The following CSMD1 variants were observed in gnomAD, a reference collection of about 807,000 sequenced individuals.
CSMD1 encodes CUB and Sushi multiple domains 1.
CSMD1 carries 213 observed loss-of-function variants against 417.5 expected under a neutral mutation model. The ratio of observed to expected loss-of-function variants is 0.51; its 90% CI spans 0.46 to 0.57. The LOEUF (loss-of-function observed/expected upper bound fraction) is 0.57. Among genes scored for constraint, CSMD1 ranks in the 20% least tolerant of loss-of-function variants. The pLI, the probability that CSMD1 is intolerant of heterozygous loss-of-function variation, is 0.00. For synonymous variants in CSMD1, 2,862 were observed against 1,736.8 expected (o/e 1.65, Z -16.11); for missense variants, 6,923 against 4,529.7 (o/e 1.53, Z -15.17).
intron 21 of CSMD1, among the ~76,000 whole-genome samples, chr8:3,348,624 G>A (rs28714525): frequency 0.1 from 15,732 of 152,170 alleles, 1,082 homozygotes; most frequent in Non-Finnish European, 0.15. Flanking sequence ...CATTCAAAGG[G>A]GAATCTAACG....
rs146320952 is a variant in CSMD1 at position 3,701,624 on chromosome 8, A to G, written c.1009+6790T>C. Among the ~76,000 whole-genome samples, 370 of 149,562 alleles carry G rather than the reference A, an allele frequency of 2.5e-3. 9 individuals are homozygous for G. In the East Asian group the frequency reaches 0.048, roughly 20 times the overall value. On this transcript the variant is annotated intron_variant, in intron 7 of 69. Transcript: ENST00000635120. ...TAAGACAACTAAAACTACGAATATTATAATTATAAGTAGATAAATACAAGT... is the reference window on the plus strand; with the variant it reads ...TAAGACAACTAAAACTACGAATATTGTAATTATAAGTAGATAAATACAAGT...
intron 31 of CSMD1, among the ~76,000 whole-genome samples, chr8:3,205,209 C>T (rs1356838896): frequency 6.6e-6 from 1 of 152,170 alleles, no homozygotes; most frequent in Non-Finnish European, 1.5e-5. Flanking sequence ...CTCATAAAAA[C>T]AACCAACTGA....
intron 3 of CSMD1, among the ~76,000 whole-genome samples, chr8:4,125,817 A>G (rs974460197): frequency 8.6e-5 from 13 of 152,034 alleles, no homozygotes; most frequent in African/African-American, 3.1e-4. Flanking sequence ...GCCCAAGAAG[A>G]CCCCCATCTT....
intron 6 of CSMD1, among the ~76,000 whole-genome samples, chr8:3,746,131 T>A (rs2623720): frequency 2.0e-5 from 3 of 152,218 alleles, no homozygotes; most frequent in Admixed American, 6.5e-5. Context: ...ATTGCCTGCA[T>A]GAGACAGAGA....
chr8:3,098,644 C>A (rs1432470872), intron 46 of CSMD1, among the ~76,000 whole-genome samples: 2 of 152,260 alleles, frequency 1.3e-5, no homozygotes, highest in Admixed American at 6.5e-5. Flanking sequence ...GTGATGGTGA[C>A]CTCATCGCTT....
At chr8:2,991,471 C>G (rs1171183873) in intron 54 of CSMD1, among the ~76,000 whole-genome samples, 1 of 152,060 alleles carries the variant, frequency 6.6e-6, no homozygotes. Flanking sequence ...TCTAAAAGGC[C>G]AGATATGGCC....
chr8:3,770,614 G>C (rs1481193628), intron 5 of CSMD1, among the ~76,000 whole-genome samples: 4 of 152,136 alleles, frequency 2.6e-5, no homozygotes, highest in South Asian at 4.1e-4. Context: ...CATAAATGAA[G>C]GGAAGAAGGG....
intron 1 of CSMD1, among the ~76,000 whole-genome samples, chr8:4,759,393 G>T (rs1811882646): frequency 6.6e-6 from 1 of 152,174 alleles, no homozygotes; most frequent in Non-Finnish European, 1.5e-5. Context: ...TTATCCAATG[G>T]CATCTGAGCA....
At chr8:3,651,560 G>C (rs1797858585) in intron 7 of CSMD1, among the ~76,000 whole-genome samples, 1 of 152,060 alleles carries the variant, frequency 6.6e-6, no homozygotes, top group Admixed American at 6.6e-5. Flanking sequence ...ATGAGGTCTT[G>C]GCTGGCCACC....
chr8:4,163,677 G>C (rs546496407), intron 3 of CSMD1, among the ~76,000 whole-genome samples: 1 of 152,076 alleles, frequency 6.6e-6, no homozygotes, highest in Non-Finnish European at 1.5e-5. Context: ...TTTAAAACAA[G>C]AAGTAACATA....
intron 3 of CSMD1, among the ~76,000 whole-genome samples, chr8:4,049,969 C>G (rs1013268605): frequency 3.3e-5 from 5 of 152,286 alleles, no homozygotes; most frequent in African/African-American, 1.2e-4. Context: ...TGTCTCCTGG[C>G]TGGGGCAGCT....
At chr8:3,186,070 T>A (rs918175014) in intron 36 of CSMD1, among the ~76,000 whole-genome samples, 4 of 152,094 alleles carry the variant, frequency 2.6e-5, no homozygotes, top group Admixed American at 1.3e-4. Flanking sequence ...TTTTCCCTCC[T>A]GTAACACCCA....
At chr8:3,488,455 T>A (rs1818183528) in intron 11 of CSMD1, among the ~76,000 whole-genome samples, 1 of 152,150 alleles carries the variant, frequency 6.6e-6, no homozygotes, top group African/African-American at 2.4e-5. Context: ...AACCGATAGA[T>A]AAATGTATCT....
chr8:4,510,030 G>A (rs765782167), intron 2 of CSMD1, among the ~76,000 whole-genome samples: 36 of 152,100 alleles, frequency 2.4e-4, no homozygotes, highest in Non-Finnish European at 3.5e-4. Flanking sequence ...GAGGGACCCG[G>A]TGGGAGGTAA....
At chr8:3,444,448 A>G (rs553886763) in intron 12 of CSMD1, among the ~76,000 whole-genome samples, 49 of 152,320 alleles carry the variant, frequency 3.2e-4, no homozygotes, top group African/African-American at 9.6e-4. Flanking sequence ...ACAATAAAAG[A>G]AATTACTGTA....
In CSMD1 at chr8:3,701,511, A is replaced by AT. The variant is rs1554515922; in HGVS notation, c.1009+6902dup. ...TCTTCAGGATATAGGATTAAACCTT[A>AT]TTTTTTTTTTTTAGCATATTGGAAT... On this transcript the variant is annotated intron_variant, in intron 7 of 69. Transcript: ENST00000635120. 2.6e-3 allele frequency among the ~76,000 whole-genome samples: 389 copies of AT among 149,878 alleles called. 1 individual carries two copies. Among genetic ancestry groups the AT allele is most frequent in the African/African-American group, 9.3e-3 (376 of 40,544 alleles).
At chr8:4,580,729 C>G (rs1322727002) in intron 2 of CSMD1, among the ~76,000 whole-genome samples, 1 of 152,190 alleles carries the variant, frequency 6.6e-6, no homozygotes, top group African/African-American at 2.4e-5. Context: ...CTGATTAAAT[C>G]ACCCCAAATC....
Position 3,201,730 on chromosome 8 carries a change from A to C in CSMD1, c.4985-5T>G. ...AGGCAAACTGTCCAAAGACCACTAA[A>C]AAATAAGAGGTGGGATGTTGGCACA... On this transcript the variant is annotated splice_region_variant and splice_polypyrimidine_tract_variant and intron_variant, in intron 31 of 69. Coordinates refer to ENST00000635120, the MANE Select transcript of CSMD1 (RefSeq NM_033225.6). 1 of 1,563,200 alleles carries C rather than the reference A, an allele frequency of 6.4e-7. No individual in the cohort carries two copies. Among genetic ancestry groups the C allele is most frequent in the Non-Finnish European group, 8.7e-7 (1 of 1,144,626 alleles).
At chr8:4,158,086 AC>A (rs1418718839) in intron 3 of CSMD1, among the ~76,000 whole-genome samples, 26 of 110,998 alleles carry the variant, frequency 2.3e-4, no homozygotes, top group African/African-American at 7.7e-4. Context: ...ATACAAGAAA[AC>A]CCTTTTTTTT....
Sources: allele counts gnomAD v4.1 joint callset (sites outside exome capture counted in the v4.1 genomes callset), GRCh38; gene constraint gnomAD v4.1.1; transcripts MANE v1.5; gene names NCBI Gene and HGNC (gene_info 2026-07-23, HGNC 2026-07-21).